ADK: variants seen among roughly 807,000 people sequenced by gnomAD.
ADK encodes N6,N6-dimethyladenosine kinase.
In ADK, 24 loss-of-function variants were observed where a neutral mutation model predicts 44.7. The ratio of observed to expected loss-of-function variants is 0.54; its 90% confidence interval spans 0.39 to 0.76. ADK has a LOEUF of 0.76. Among genes scored for constraint, ADK ranks in the 30% least tolerant of loss-of-function variants. The probability of loss-of-function intolerance (pLI) is 0.00; values close to 1 mark genes in which losing one functional copy is unlikely to be tolerated. For missense variants in ADK, 321 were observed against 425.1 expected, an observed-to-expected ratio of 0.76 and a Z score of 2.15; for synonymous variants, 128 against 142.6, an observed-to-expected ratio of 0.90 and a Z score of 0.73.
intron 4 of ADK, among the ~76,000 whole-genome samples, chr10:74,386,294 A>G (rs1480576205): frequency 6.6e-6 from 1 of 151,916 alleles, no homozygotes; most frequent in Non-Finnish European, 1.5e-5. Flanking sequence ...TTATCTTGCA[A>G]CTCTTTTAGT....
At chr10:74,596,445 A>G (rs754342818) in intron 8 of ADK, among the ~76,000 whole-genome samples, 6 of 152,112 alleles carry the variant, frequency 3.9e-5, no homozygotes, top group Non-Finnish European at 8.8e-5. Flanking sequence ...CTGAAATGCA[A>G]TGATACGGTC....
chr10:74,523,976 C>G (rs893711314), intron 6 of ADK, among the ~76,000 whole-genome samples: 1 of 152,162 alleles, frequency 6.6e-6, no homozygotes, highest in African/African-American at 2.4e-5. Flanking sequence ...ACCCCTACCC[C>G]TCTTGCACAT....
intron 10 of ADK, among the ~76,000 whole-genome samples, chr10:74,687,469 T>G (rs573455889): frequency 1.3e-5 from 2 of 152,346 alleles, no homozygotes; most frequent in South Asian, 2.1e-4. Context: ...TGCCTACCCT[T>G]TGTTCCATTT....
chr10:74,290,233 C>G (rs1847358603), intron 3 of ADK, among the ~76,000 whole-genome samples: 2 of 152,048 alleles, frequency 1.3e-5, no homozygotes, highest in Non-Finnish European at 2.9e-5. Flanking sequence ...CAGCCTGCTT[C>G]TTTATACTCT....
In ADK at chr10:74,600,390, T is replaced by G. The variant is rs1386446142; in HGVS notation, c.774T>G (p.Ile258Met). 3 of 1,608,724 alleles carry G rather than the reference T, an allele frequency of 1.9e-6. No individual in the cohort carries two copies. The highest frequency in any genetic ancestry group is 1.7e-6 in the Non-Finnish European group (2 of 1,176,910). The change falls in exon 9 of 11, where the codon ATT (isoleucine) becomes ATG (methionine). Residue 258 changes from isoleucine to methionine, a missense_variant. By Grantham distance (10) the Ile-to-Met change is conservative (BLOSUM62 1). Coordinates refer to ENST00000539909, the MANE Select transcript of ADK (RefSeq NM_006721.4). ...AREQGFETKD[I>M]KEIAKKTQAL... ...CCTTCTATTAATAGACTAAAGACATTAAAGAGATAGCCAAAAAGACACAAG... is the reference window on the plus strand; with the variant it reads ...CCTTCTATTAATAGACTAAAGACATGAAAGAGATAGCCAAAAAGACACAAG...
At chr10:74,245,305 A>C (rs796890074) in intron 3 of ADK, among the ~76,000 whole-genome samples, 17 of 152,262 alleles carry the variant, frequency 1.1e-4, no homozygotes, top group African/African-American at 4.1e-4. Flanking sequence ...ATATTAACAT[A>C]ATCCTCATAC....
chr10:74,406,293 A>G (rs149397992), intron 6 of ADK, among the ~76,000 whole-genome samples: 6 of 152,194 alleles, frequency 3.9e-5, no homozygotes, highest in East Asian at 1.9e-4. Flanking sequence ...TGCCATTCCT[A>G]TCATTGTTCC....
In ADK at chr10:74,619,755, G is replaced by A. The variant is rs140326844; in HGVS notation, c.877+19262G>A. ...TAAGAGAGGGTCTTGCTCTGTCACC[G>A]AGGCCAGAAGGCCAGAGTGCAGTGG... On this transcript the variant is annotated intron_variant, in intron 9 of 10. Coordinates refer to ENST00000539909, the MANE Select transcript of ADK (RefSeq NM_006721.4). Among the ~76,000 whole-genome samples, 190 of 152,180 alleles carry A rather than the reference G, an allele frequency of 1.2e-3. 1 individual carries two copies. In the South Asian group the frequency reaches 0.014, roughly 11 times the overall value.
At position 74,154,037 on chromosome 10, in the gene ADK, A is replaced by G. The variant is rs192841475; in HGVS notation, c.65+2694A>G. On this transcript the variant is annotated intron_variant, in intron 1 of 10. Transcript: ENST00000539909. ...GAAAATGACACCTGAGTATTCTTAA[A>G]GATGACTAGGAGTTAACCAGTCATC... Among the ~76,000 whole-genome samples, 10 of 152,332 alleles carry G rather than the reference A, an allele frequency of 6.6e-5. No individual in the cohort carries two copies. The East Asian group carries it at 1.5e-3, about 23-fold the overall frequency.
At chr10:74,284,277 T>G (rs866727992) in intron 3 of ADK, among the ~76,000 whole-genome samples, 4 of 151,898 alleles carry the variant, frequency 2.6e-5, no homozygotes, top group Middle Eastern at 6.8e-3. Context: ...TTTTTTTTTT[T>G]TTTTTTTGAG....
chr10:74,197,718 A>AT (rs1843214325), intron 1 of ADK, among the ~76,000 whole-genome samples: 1 of 151,150 alleles, frequency 6.6e-6, no homozygotes, highest in African/African-American at 2.4e-5. Flanking sequence ...AAAGAAAAAA[A>AT]AAAAGAACTG....
chr10:74,347,272 C>T (rs1841807283), intron 4 of ADK, among the ~76,000 whole-genome samples: 1 of 151,900 alleles, frequency 6.6e-6, no homozygotes, highest in South Asian at 2.1e-4. Flanking sequence ...TGGTTGCAGC[C>T]CACAGAGGGT....
At chr10:74,695,610 TA>T (rs1856158687) in intron 10 of ADK, among the ~76,000 whole-genome samples, 1 of 27,016 alleles carries the variant, frequency 3.7e-5, no homozygotes, top group African/African-American at 1.0e-4. Context: ...AATTCCTGTG[TA>T]TGTGTGGGGT....
At chr10:74,366,023 A>G (rs959597460) in intron 4 of ADK, among the ~76,000 whole-genome samples, 2 of 152,166 alleles carry the variant, frequency 1.3e-5, no homozygotes, top group African/African-American at 4.8e-5. Flanking sequence ...TCTTTTTGGG[A>G]GAAATGTATA....
chr10:74,460,364 A>G (rs1173583054), intron 6 of ADK, among the ~76,000 whole-genome samples: 1 of 152,200 alleles, frequency 6.6e-6, no homozygotes, highest in Non-Finnish European at 1.5e-5. Flanking sequence ...TCTTGTGCTT[A>G]TGAGCCTGCT....
chr10:74,697,770 G>C (rs2134290515), intron 10 of ADK, among the ~76,000 whole-genome samples: 1 of 152,216 alleles, frequency 6.6e-6, no homozygotes, highest in East Asian at 1.9e-4. Flanking sequence ...AGATGCTATA[G>C]CTCTTCTATA....
At chr10:74,469,877 A>C (rs990064659) in intron 6 of ADK, among the ~76,000 whole-genome samples, 1 of 152,092 alleles carries the variant, frequency 6.6e-6, no homozygotes, top group Non-Finnish European at 1.5e-5. Context: ...AAGTAGGATC[A>C]TGGTTTATGG....
Position 74,545,363 on chromosome 10 carries a change from T to G in ADK, c.726+19937T>G, listed in dbSNP as rs116629888. On this transcript the variant is annotated intron_variant, in intron 7 of 10. Coordinates refer to ENST00000539909, the MANE Select transcript of ADK (RefSeq NM_006721.4). ...GCTTAGGGGTCCCTGACAATGTGAA[T>G]AGTTTTAAGCTGGGCCTCAATTCGT... Among the ~76,000 whole-genome samples the G allele has an allele frequency of 2.2e-3, 328 of 152,288 alleles. 1 individual carries two copies. Among genetic ancestry groups the G allele is most frequent in the African/African-American group, 7.3e-3 (304 of 41,554 alleles).
intron 6 of ADK, among the ~76,000 whole-genome samples, chr10:74,406,824 G>T (rs2132921408): frequency 6.6e-6 from 1 of 151,894 alleles, no homozygotes; most frequent in Non-Finnish European, 1.5e-5. Flanking sequence ...GGGACTACAG[G>T]CACGCCTCAC....
Sources: gnomAD v4.1 joint callset for allele counts (sites outside exome capture counted in the v4.1 genomes callset) on GRCh38, gnomAD v4.1.1 for gene constraint, MANE v1.5 for transcripts, NCBI Gene and HGNC (gene_info 2026-07-23, HGNC 2026-07-21) for gene names.